NPC1: variants seen among roughly 807,000 people sequenced by gnomAD.
NPC1 encodes NPC intracellular cholesterol transporter 1, also known as Niemann-Pick C1 protein.
A neutral mutation model predicts 140.4 loss-of-function variants in NPC1; 85 were observed. That is an observed-to-expected ratio of 0.61 (90% CI 0.51 to 0.72). The LOEUF (loss-of-function observed/expected upper bound fraction) is 0.72, where lower values mean the gene tolerates loss of function less well. NPC1 is among the 30% of genes least tolerant of loss of function. The pLI, the probability that NPC1 is intolerant of heterozygous loss-of-function variation, is 0.00. For synonymous variants in NPC1, 656 were observed against 624.8 expected (o/e 1.05, Z -0.74); for missense variants, 1,504 against 1,623.8 (o/e 0.93, Z 1.27).
chr18:23,510,139 A>G (rs1021954463), intron 3 of NPC1, among the ~76,000 whole-genome samples: 1 of 151,932 alleles, frequency 6.6e-6, no homozygotes, highest in Non-Finnish European at 1.5e-5. Flanking sequence ...CCAGGCCAAC[A>G]TGATGAAATC....
chr18:23,569,530 C>T (rs928093763), intron 3 of NPC1, among the ~76,000 whole-genome samples: 1 of 152,126 alleles, frequency 6.6e-6, no homozygotes, highest in African/African-American at 2.4e-5. Context: ...CTGTGTTGCC[C>T]AGGATGGTCT....
intron 24 of NPC1, 109 bp from the exon 25 acceptor site, chr18:23,532,393 A>G: frequency 8.4e-7 from 1 of 1,191,690 alleles, no homozygotes; most frequent in East Asian, 2.3e-5. Flanking sequence ...AGGCAGGAGA[A>G]TTGCTTGAGA....
chr18:23,512,178 G>A (rs2057879270), intron 3 of NPC1, among the ~76,000 whole-genome samples: 1 of 151,622 alleles, frequency 6.6e-6, no homozygotes, highest in Admixed American at 6.6e-5. Flanking sequence ...CCAGCACCAC[G>A]CCTGGCTAAT....
At chr18:23,558,950 C>G (rs1030492008) in intron 6 of NPC1, among the ~76,000 whole-genome samples, 2 of 152,088 alleles carry the variant, frequency 1.3e-5, no homozygotes, top group East Asian at 3.9e-4. Flanking sequence ...TCAATTCCCA[C>G]CTATGAGTGA....
chr18:23,570,368 T>TG (rs921912944), intron 3 of NPC1, among the ~76,000 whole-genome samples: 2 of 152,230 alleles, frequency 1.3e-5, no homozygotes, highest in African/African-American at 4.8e-5. Context: ...TCACCTACGG[T>TG]GGATCCTAAA....
Position 23,540,484 on chromosome 18 carries a change from T to G in NPC1, c.2568A>C (p.Val856=). 1 of 1,611,312 alleles carries G rather than the reference T, an allele frequency of 6.2e-7. No homozygotes were observed. The highest frequency in any genetic ancestry group is 2.2e-5 in the East Asian group (1 of 44,852). ...LSFSIAVLNK[V]DIGLDQSLSM... ...AAAGAGACTGATCCAATCCAATATC[T>G]ACTTTGTTCAGGACTGCGATGCTGA... The change falls in exon 17 of 25, where the codon GTA becomes GTC. Residue 856 remains valine (V), a synonymous_variant. Coordinates refer to ENST00000269228, the MANE Select transcript of NPC1 (RefSeq NM_000271.5).
At chr18:23,583,645 T>C (rs1290169035) in intron 1 of NPC1, among the ~76,000 whole-genome samples, 1 of 151,808 alleles carries the variant, frequency 6.6e-6, no homozygotes, top group Non-Finnish European at 1.5e-5. Context: ...CTTAGAATAC[T>C]GCATCCCTTT....
intron 4 of NPC1, among the ~76,000 whole-genome samples, chr18:23,566,725 CTTGTT>C (rs980292556): frequency 2.0e-4 from 30 of 152,264 alleles, no homozygotes; most frequent in Admixed American, 5.9e-4. Flanking sequence ...TGTTTGTGTA[CTTGTT>C]TTAAGTATGT....
chr18:23,537,934 A>G (rs1295265584), intron 20 of NPC1, among the ~76,000 whole-genome samples: 8 of 152,172 alleles, frequency 5.3e-5, no homozygotes, highest in Admixed American at 3.9e-4. Flanking sequence ...GGTTTACCTA[A>G]CATACATGGG....
At position 23,582,704 on chromosome 18, in the gene NPC1, T is replaced by C. The variant is rs368376285; in HGVS notation, c.57+3583A>G. Among the ~76,000 whole-genome samples, 16 of 152,058 alleles carry C rather than the reference T, an allele frequency of 1.1e-4. No homozygotes were observed. The East Asian group carries it at 2.5e-3, about 24-fold the overall frequency. On this transcript the variant is annotated intron_variant, in intron 1 of 24. Transcript: ENST00000269228. ...CTATAGTCCCAGCTACTCGGGAGGC[T>C]TGATGTGGGAGAATCACCTGAGCCC...
At chr18:23,527,663 A>C (rs867211184), downstream of NPC1, 1 of 163,920 alleles carries the variant, frequency 6.1e-6, no homozygotes, top group Non-Finnish European at 9.3e-6. Context: ...AGGTCTTTAA[A>C]GTAGAGTGTC....
chr18:23,529,695 T>C (rs771501685), downstream of NPC1: 35 of 1,613,872 alleles, frequency 2.2e-5, no homozygotes, highest in Non-Finnish European at 2.8e-5. Flanking sequence ...TCTTAACCAG[T>C]TTCAGATTGC....
At chr18:23,562,570 T>A (rs2059059096) in intron 4 of NPC1, among the ~76,000 whole-genome samples, 1 of 152,142 alleles carries the variant, frequency 6.6e-6, no homozygotes, top group Admixed American at 6.5e-5. Flanking sequence ...GTGACAGTCA[T>A]CTCCCTCAGA....
chr18:23,531,865 GAC>G lies in NPC1; in HGVS notation c.*335_*336del. 1 of 1,448,424 alleles carries G rather than the reference GAC, an allele frequency of 6.9e-7. No individual in the cohort carries two copies. The highest frequency in any genetic ancestry group is 9.0e-7 in the Non-Finnish European group (1 of 1,108,518). The allele number at this position is 1,448,424 out of a possible 1,614,324, so 89.7% of individuals were successfully genotyped here. On this transcript the variant is annotated 3_prime_UTR_variant, in exon 25 of 25. Coordinates refer to ENST00000269228, the MANE Select transcript of NPC1 (RefSeq NM_000271.5). Reference sequence around the variant, plus strand: ...GGGATGGCTTACTCCTAAAAGGAGAGACAGACAGTGCATTGATTGGCCTTTAC... The same window carrying G: ...GGGATGGCTTACTCCTAAAAGGAGAGAGACAGTGCATTGATTGGCCTTTAC...
rs2058765443 is a variant in NPC1, at chr18:23,544,948, C to CA, written c.1947+11_1947+12insT. On this transcript the variant is annotated intron_variant, in intron 12 of 24. Coordinates refer to ENST00000269228, the MANE Select transcript of NPC1 (RefSeq NM_000271.5). ...TAACCTCTAGAACATACACCACCCC[C>CA]CCCCGGCTTACCAGAAGCCTGCGAC... The CA allele has an allele frequency of 1.1e-5, 15 of 1,379,530 alleles. 2 individuals are homozygous for CA. Among genetic ancestry groups the CA allele is most frequent in the South Asian group, 5.9e-5 (5 of 85,110 alleles). 85.5% of individuals were successfully genotyped at this position (1,379,530 alleles called of 1,614,324 possible). A position where few individuals can be genotyped will look rare whatever the true frequency, so the allele number is the denominator to read the frequency against.
chr18:23,523,927 G>A (rs565551208), intron 1 of NPC1, among the ~76,000 whole-genome samples: 4 of 152,284 alleles, frequency 2.6e-5, no homozygotes, highest in Admixed American at 2.6e-4. Context: ...TTTTCTTGGT[G>A]AGATTTTCCT....
intron 14 of NPC1, among the ~76,000 whole-genome samples, chr18:23,542,286 T>G (rs1210866963): frequency 6.6e-6 from 1 of 151,806 alleles, no homozygotes; most frequent in Non-Finnish European, 1.5e-5. Flanking sequence ...CACCTGTGTT[T>G]GTCAAAAGGA....
At chr18:23,520,088 G>C (rs2058103430), downstream of NPC1, 2 of 744,810 alleles carry the variant, frequency 2.7e-6, no homozygotes, top group Non-Finnish European at 4.7e-6. Context: ...CCTGTAGGGA[G>C]GAAATGCAAA....
intron 1 of NPC1, among the ~76,000 whole-genome samples, chr18:23,576,231 A>G (rs909354122): frequency 2.6e-5 from 4 of 151,772 alleles, no homozygotes; most frequent in Non-Finnish European, 5.9e-5. Context: ...TCAAAAAACA[A>G]ACAAAAAAAC....
Sources: allele counts gnomAD v4.1 joint callset (sites outside exome capture counted in the v4.1 genomes callset), GRCh38; gene constraint gnomAD v4.1.1; transcripts MANE v1.5; gene names NCBI Gene and HGNC (gene_info 2026-07-23, HGNC 2026-07-21).